UXS1: variants seen among roughly 807,000 people sequenced by gnomAD.
UXS1 encodes UDP-glucuronic acid decarboxylase 1.
Under a neutral mutation model 62.6 loss-of-function variants are expected in UXS1, and 33 were observed. That is an observed-to-expected ratio of 0.53 (90% CI 0.40 to 0.70). The LOEUF is 0.70. Ranked by LOEUF, UXS1 falls within the 30% of genes least tolerant of loss-of-function variation. The pLI, the probability that UXS1 is intolerant of heterozygous loss-of-function variation, is 0.00. For synonymous variants in UXS1, 213 were observed against 206.8 expected (o/e 1.03, Z -0.26); for missense variants, 434 against 556.3 (o/e 0.78, Z 2.21).
At chr2:106,162,880 T>C (rs1288645681) in intron 4 of UXS1, among the ~76,000 whole-genome samples, 3 of 152,230 alleles carry the variant, frequency 2.0e-5, no homozygotes, top group Non-Finnish European at 4.4e-5. Context: ...TCTTCATTTT[T>C]TCATTTTTGT....
At chr2:106,100,778 C>T (rs2104838962) in intron 12 of UXS1, 2 of 413,428 alleles carry the variant, frequency 4.8e-6, no homozygotes, top group East Asian at 8.5e-5. Flanking sequence ...CACACACGTC[C>T]ACCTACTACC....
At chr2:106,176,708 G>T (rs1233643221) in intron 1 of UXS1, among the ~76,000 whole-genome samples, 1 of 152,224 alleles carries the variant, frequency 6.6e-6, no homozygotes, top group Non-Finnish European at 1.5e-5. Context: ...GGTTACACAG[G>T]ATGAAAAGTG....
At chr2:106,112,876 A>G in intron 9 of UXS1, 111 bp from the exon 10 acceptor site, 1 of 1,452,490 alleles carries the variant, frequency 6.9e-7, no homozygotes, top group Non-Finnish European at 9.1e-7. Context: ...TCTGCTTTCC[A>G]TTCCAAAATG....
intron 3 of UXS1, 50 bp from the exon 4 acceptor site, chr2:106,163,760 AAC>A: frequency 8.2e-7 from 1 of 1,225,474 alleles, no homozygotes; most frequent in Non-Finnish European, 1.1e-6. Context: ...CACAGTTCTC[AAC>A]CCCTTTCACC....
chr2:106,186,189 C>T (rs1396807276), intron 1 of UXS1, among the ~76,000 whole-genome samples: 2 of 152,122 alleles, frequency 1.3e-5, no homozygotes, highest in African/African-American at 2.4e-5. Context: ...ACAAGATATT[C>T]GCACAGGTGG....
intron 10 of UXS1, among the ~76,000 whole-genome samples, chr2:106,110,934 C>A (rs936343816): frequency 6.6e-6 from 1 of 152,146 alleles, no homozygotes; most frequent in Non-Finnish European, 1.5e-5. Context: ...GATGAATGAA[C>A]AAGAATGCCT....
At chr2:106,157,932 TG>T in intron 5 of UXS1, 125 bp downstream of exon 5, 2 of 833,040 alleles carry the variant, frequency 2.4e-6, no homozygotes, top group Non-Finnish European at 3.8e-6. Context: ...GCTAACTCTG[TG>T]GACATACTAT....
chr2:106,138,825 T>C (rs902498378), intron 6 of UXS1: 1 of 985,294 alleles, frequency 1.0e-6, no homozygotes, highest in Non-Finnish European at 1.2e-6. Flanking sequence ...ACCACCCCCC[T>C]CTCCTTTGAG....
At chr2:106,175,646 GCGTGAAGTCTGACCA>G (rs1204673702) in intron 1 of UXS1, among the ~76,000 whole-genome samples, 3 of 152,178 alleles carry the variant, frequency 2.0e-5, no homozygotes, top group African/African-American at 7.2e-5. Flanking sequence ...GAACCACCAT[GCGTGAAGTCTGACCA>G]CGTGAGGCCA....
rs1685133438 is a variant in UXS1, at chr2:106,194,263, A to AGGGCCCTGCCGCGCGG, written c.-23_-22insCCGCGCGGCAGGGCCC. The AGGGCCCTGCCGCGCGG allele has an allele frequency of 4.6e-6, 6 of 1,299,830 alleles. No homozygotes were observed. In the East Asian group the frequency reaches 2.2e-4, roughly 48 times the overall value. The allele number at this position is 1,299,830 out of a possible 1,614,324, so 80.5% of individuals were successfully genotyped here. The stretch of plus-strand genomic sequence containing the variant: ...CCATCCCCGGGAGCCGCGCGGGTCC[A>AGGGCCCTGCCGCGCGG]GGGCCCTACCGCGCGGGGGCCCGCC... On this transcript the variant is annotated 5_prime_UTR_variant, in exon 1 of 15. Coordinates refer to ENST00000283148, the MANE Select transcript of UXS1 (RefSeq NM_001253875.2).
At chr2:106,164,253 C>A (rs1558742328) in intron 3 of UXS1, among the ~76,000 whole-genome samples, 1 of 152,178 alleles carries the variant, frequency 6.6e-6, no homozygotes, top group Admixed American at 6.5e-5. Context: ...TCCCCTCCCC[C>A]ACAGCCCATG....
chr2:106,189,986 G>A (rs538420885), intron 1 of UXS1, among the ~76,000 whole-genome samples: 2 of 152,292 alleles, frequency 1.3e-5, no homozygotes, highest in South Asian at 2.1e-4. Flanking sequence ...TGGTGAGGCT[G>A]GCAGCTGACC....
intron 12 of UXS1, among the ~76,000 whole-genome samples, 184 bp from the exon 13 acceptor site, chr2:106,098,957 C>G (rs1167465856): frequency 6.6e-6 from 1 of 152,202 alleles, no homozygotes; most frequent in Non-Finnish European, 1.5e-5. Flanking sequence ...CCTGGCAGTG[C>G]TAAACTGCAC....
At chr2:106,142,921 GTA>G (rs894007952) in intron 6 of UXS1, among the ~76,000 whole-genome samples, 17 of 103,976 alleles carry the variant, frequency 1.6e-4, no homozygotes, top group Non-Finnish European at 2.7e-4. Flanking sequence ...GTGTTTGCAT[GTA>G]TGTGTGTGTG....
At chr2:106,116,108 A>C (rs1558690677) in intron 9 of UXS1, among the ~76,000 whole-genome samples, 1 of 151,860 alleles carries the variant, frequency 6.6e-6, no homozygotes. Context: ...AACTAACAGC[A>C]GGCCTGACAG....
intron 1 of UXS1, among the ~76,000 whole-genome samples, chr2:106,193,537 C>T (rs915218964): frequency 5.3e-5 from 8 of 152,096 alleles, no homozygotes; most frequent in African/African-American, 1.9e-4. Flanking sequence ...CAGCTGCCTG[C>T]CTGCTTCGCC....
chr2:106,160,753 G>A lies in UXS1; in HGVS notation c.231-2635C>T, dbSNP rs561920097. 4.6e-5 allele frequency: 7 copies of A among 152,306 alleles called. No homozygotes were observed. The South Asian group carries it at 1.5e-3, about 32-fold the overall frequency. The allele number at this position is 152,306 out of a possible 1,614,324, so 9.4% of individuals were successfully genotyped here. On this transcript the variant is annotated intron_variant, in intron 4 of 14. Transcript: ENST00000283148. ...AACTGAAGCAAAGGCATGGTTGCCC[G>A]ACATACGCAGTGACGGGCATAAGAT...
At chr2:106,170,654 G>C (rs904741209) in intron 1 of UXS1, among the ~76,000 whole-genome samples, 1 of 152,116 alleles carries the variant, frequency 6.6e-6, no homozygotes, top group East Asian at 1.9e-4. Context: ...ACCCAGCCCA[G>C]ACCAAAGAAC....
At chr2:106,192,345 G>A (rs1440602284) in intron 1 of UXS1, among the ~76,000 whole-genome samples, 1 of 152,180 alleles carries the variant, frequency 6.6e-6, no homozygotes, top group East Asian at 1.9e-4. Flanking sequence ...ACGAGGTCAG[G>A]AGATCGAGAC....
Sources: allele counts gnomAD v4.1 joint callset (sites outside exome capture counted in the v4.1 genomes callset), GRCh38; gene constraint gnomAD v4.1.1; transcripts MANE v1.5; gene names NCBI Gene and HGNC (gene_info 2026-07-23, HGNC 2026-07-21).